EML5: variants seen among roughly 807,000 people sequenced by gnomAD.
EML5 encodes the protein echinoderm microtubule-associated protein-like 5.
A neutral mutation model predicts 250.0 loss-of-function variants in EML5; 120 were observed. That is an observed-to-expected ratio of 0.48 (90% CI 0.41 to 0.56). EML5 has a LOEUF of 0.56. Among genes scored for constraint, EML5 ranks in the 20% least tolerant of loss-of-function variants. EML5 has a pLI of 0.00. For synonymous variants in EML5, 771 were observed against 806.5 expected (o/e 0.96, Z 0.75); for missense variants, 2,006 against 2,437.6 (o/e 0.82, Z 3.73).
rs1259468566 is a variant in EML5, at chr14:88,712,403, T to C, written c.1525A>G (p.Asn509Asp). 1 of 1,613,536 alleles carries C rather than the reference T, an allele frequency of 6.2e-7. No individual in the cohort carries two copies. ...TCTGAATACTTGGGCCAAATTCCAT[T>C]TACTTCAAGGCCTGAAACACATGTC... The part of the protein sequence containing the change: ...SWTCVSGLEV[N>D]GIWPKYSDIN... Residue 509 changes from asparagine to aspartate, a missense_variant, in exon 10 of 44, where the codon AAT (asparagine) becomes GAT (aspartate). Coordinates refer to ENST00000554922, the MANE Select transcript of EML5 (RefSeq NM_183387.3).
rs146653771 is a variant in EML5, at chr14:88,717,653, G to T, written c.1188-2458C>A. On this transcript the variant is annotated intron_variant, in intron 8 of 43. Coordinates refer to ENST00000554922, the MANE Select transcript of EML5 (RefSeq NM_183387.3). ...GCCTGTAATCCCAGCTACTCAGGAG[G>T]CTGAGGCAGGAAAATCACTTGAACT... 5.1e-3 allele frequency among the ~76,000 whole-genome samples: 774 copies of T among 152,280 alleles called. 2 individuals are homozygous for T. Among genetic ancestry groups the T allele is most frequent in the Middle Eastern group, 0.014 (4 of 294 alleles).
At position 88,702,499 on chromosome 14, in the gene EML5, C is replaced by G; in HGVS notation, c.2185G>C (p.Asp729His). The change falls in exon 14 of 44, where the codon GAT (aspartate) becomes CAT (histidine). Residue 729 changes from aspartate to histidine, a missense_variant. Coordinates refer to ENST00000554922, the MANE Select transcript of EML5 (RefSeq NM_183387.3). ...TQRFYLGHDDDILCLTIHPLK... is the reference protein window; with the variant it reads ...TQRFYLGHDDHILCLTIHPLK... ...GGATGAATAGTTAGGCAGAGAATAT[C>G]ATCATCATGACCCAGATAAAAACGC... The G allele has an allele frequency of 6.2e-7, 1 of 1,612,588 alleles. No homozygotes were observed. Among genetic ancestry groups the G allele is most frequent in the South Asian group, 1.1e-5 (1 of 90,894 alleles).
At chr14:88,675,594 T>C (rs2092576434) in intron 21 of EML5, among the ~76,000 whole-genome samples, 1 of 152,198 alleles carries the variant, frequency 6.6e-6, no homozygotes. Context: ...TGAAGACTTC[T>C]GACATGCCCT....
chr14:88,784,471 C>T (rs2094530714), intron 1 of EML5, among the ~76,000 whole-genome samples: 1 of 151,484 alleles, frequency 6.6e-6, no homozygotes, highest in Non-Finnish European at 1.5e-5. Flanking sequence ...ACTGATACTG[C>T]AGAAATTCAA....
At chr14:88,624,007 CAT>C (rs368905674) in intron 36 of EML5, 9 of 152,306 alleles carry the variant, frequency 5.9e-5, no homozygotes, top group African/African-American at 1.7e-4. Context: ...GTTTAATTAA[CAT>C]ATGTGGGTTC....
intron 17 of EML5, among the ~76,000 whole-genome samples, chr14:88,690,747 G>A (rs1225729729): frequency 6.6e-6 from 1 of 152,140 alleles, no homozygotes; most frequent in Non-Finnish European, 1.5e-5. Flanking sequence ...TCAGTAGAGA[G>A]GAACATTGAT....
intron 34 of EML5, 29 bp downstream of exon 34, chr14:88,627,617 T>TA (rs764873172): frequency 6.4e-7 from 1 of 1,566,932 alleles, no homozygotes; most frequent in Non-Finnish European, 8.6e-7. Context: ...CTTGTTTTTT[T>TA]AAAAATCAAA....
chr14:88,637,655 TTGAG>T (rs1444805232), intron 32 of EML5, among the ~76,000 whole-genome samples: 1 of 152,170 alleles, frequency 6.6e-6, no homozygotes, highest in Admixed American at 6.5e-5. Flanking sequence ...AGTAAATTTG[TTGAG>T]TAAGTGAATT....
chr14:88,735,325 T>C (rs1201919498), intron 7 of EML5, among the ~76,000 whole-genome samples: 1 of 152,192 alleles, frequency 6.6e-6, no homozygotes, highest in Non-Finnish European at 1.5e-5. Context: ...GTTTCTAATT[T>C]CTTTAATATA....
Position 88,618,290 on chromosome 14 carries a change from A to G in EML5, c.5580T>C (p.Pro1860=). The G allele has an allele frequency of 6.2e-7, 1 of 1,613,858 alleles. No individual in the cohort carries two copies. Among genetic ancestry groups the G allele is most frequent in the Non-Finnish European group, 8.5e-7 (1 of 1,179,864 alleles). The change falls in exon 41 of 44, where the codon CCT becomes CCC. Residue 1860 remains proline (P), a synonymous_variant. Transcript: ENST00000554922. ...GCYKRHVYEV[P]SGKHLMDHAA... is the part of the protein sequence containing the mutation. ...CATGATCCATAAGATGTTTTCCTGA[A>G]GGCACTTCATAGACATGCCGTTTAT...
At position 88,705,592 on chromosome 14, in the gene EML5, T is replaced by C; in HGVS notation, c.1826-4A>G. 6.4e-7 allele frequency: 1 copy of C among 1,565,332 alleles called. No homozygotes were observed. On this transcript the variant is annotated splice_region_variant and splice_polypyrimidine_tract_variant and intron_variant, in intron 11 of 43. Transcript: ENST00000554922. Reference sequence around the variant, plus strand: ...CTATGAGAGTCAGCCAGACTTTCTGTAATTTTTAAAAATGAAATGTTACTT... The same window carrying C: ...CTATGAGAGTCAGCCAGACTTTCTGCAATTTTTAAAAATGAAATGTTACTT...
intron 21 of EML5, among the ~76,000 whole-genome samples, chr14:88,677,509 T>C (rs1305006646): frequency 1.3e-5 from 2 of 152,166 alleles, no homozygotes; most frequent in Non-Finnish European, 2.9e-5. Flanking sequence ...ATCAGAATGA[T>C]CAGGCAACCT....
rs147573599 is a variant in EML5 at position 88,638,194 on chromosome 14, T to C, written c.4336+615A>G. The stretch of plus-strand genomic sequence containing the variant: ...TTTAGTAATCACAGGTTGGCAGATA[T>C]GTCCTAAACAGACCTGCCATCCTCT... On this transcript the variant is annotated intron_variant, in intron 32 of 43. Transcript: ENST00000554922. 5.3e-5 allele frequency among the ~76,000 whole-genome samples: 8 copies of C among 152,330 alleles called. 1 individual carries two copies. Among genetic ancestry groups the C allele is most frequent in the African/African-American group, 1.9e-4 (8 of 41,590 alleles).
intron 1 of EML5, among the ~76,000 whole-genome samples, chr14:88,788,486 T>C (rs892859116): frequency 2.6e-5 from 4 of 151,858 alleles, no homozygotes; most frequent in Non-Finnish European, 4.4e-5. Flanking sequence ...ATATTTCAGA[T>C]GCATCGTCAT....
At position 88,644,445 on chromosome 14, in the gene EML5, C is replaced by G; in HGVS notation, c.4095G>C (p.Lys1365Asn). 1 of 1,613,780 alleles carries G rather than the reference C, an allele frequency of 6.2e-7. No homozygotes were observed. Among genetic ancestry groups the G allele is most frequent in the Non-Finnish European group, 8.5e-7 (1 of 1,179,766 alleles). ...GAGTTTTCCTTACCTCTATAGGTCT[C>G]TTTTTCTTGCCTACATTGTTTGTCT... is the stretch of plus-strand genomic sequence containing the variant. ...KLQTNNVGKK[K>N]RPIEDLVLEL... The change falls in exon 30 of 44, where the codon AAG becomes AAC. Residue 1365 changes from lysine to asparagine, a missense_variant. This residue lies in a region of EML5 where 1,375 missense variants were observed against 1,590.3 expected (regional missense o/e 0.86). Coordinates refer to ENST00000554922, the MANE Select transcript of EML5 (RefSeq NM_183387.3).
chr14:88,668,279 A>G (rs2092360591), intron 21 of EML5, among the ~76,000 whole-genome samples: 1 of 152,202 alleles, frequency 6.6e-6, no homozygotes, highest in African/African-American at 2.4e-5. Flanking sequence ...ACATATGAAA[A>G]GAAAAGTCCG....
chr14:88,764,046 A>T (rs1167406194), intron 1 of EML5, among the ~76,000 whole-genome samples: 1 of 152,304 alleles, frequency 6.6e-6, no homozygotes, highest in Admixed American at 6.5e-5. Flanking sequence ...ACACTGATTA[A>T]TTTTTAAATG....
At chr14:88,653,743 T>A (rs2091745932) in intron 27 of EML5, among the ~76,000 whole-genome samples, 1 of 152,184 alleles carries the variant, frequency 6.6e-6, no homozygotes, top group South Asian at 2.1e-4. Flanking sequence ...CCAGGCATAT[T>A]GGCCTGAAAT....
chr14:88,725,385 A>G (rs2093651681), intron 8 of EML5, among the ~76,000 whole-genome samples: 1 of 152,218 alleles, frequency 6.6e-6, no homozygotes, highest in South Asian at 2.1e-4. Flanking sequence ...GCACGTGTAG[A>G]GGCTCAGAAG....
Sources: allele counts gnomAD v4.1 joint callset (sites outside exome capture counted in the v4.1 genomes callset), GRCh38; gene constraint gnomAD v4.1.1; regional missense constraint gnomAD v4.1.1; transcripts MANE v1.5; gene names NCBI Gene and HGNC (gene_info 2026-07-23, HGNC 2026-07-21).